The following GALNT18 variants were observed in gnomAD, a reference collection of about 807,000 sequenced individuals.
GALNT18 encodes the protein polypeptide N-acetylgalactosaminyltransferase 18, also known as GalNAc-transferase 18.
Under a neutral mutation model 69.5 loss-of-function variants are expected in GALNT18, and 44 were observed. The observed-to-expected ratio is 0.63, with a 90% CI of 0.50 to 0.81. The LOEUF (loss-of-function observed/expected upper bound fraction) is 0.81. Among genes scored for constraint, GALNT18 ranks in the 40% least tolerant of loss-of-function variants. The pLI is 0.00. For missense variants in GALNT18, 715 were observed against 810.0 expected (o/e 0.88, Z 1.42); for synonymous variants, 364 against 318.2 (o/e 1.14, Z -1.53).
chr11:11,482,221 G>A (rs1856546495), intron 1 of GALNT18, among the ~76,000 whole-genome samples: 1 of 152,240 alleles, frequency 6.6e-6, no homozygotes. Context: ...TGTCTGCTGG[G>A]AAGCCCATGT....
chr11:11,593,768 A>C (rs993548852), intron 1 of GALNT18, among the ~76,000 whole-genome samples: 4 of 152,010 alleles, frequency 2.6e-5, no homozygotes, highest in Non-Finnish European at 5.9e-5. Flanking sequence ...ATTTCTAACA[A>C]AACAATAAAA....
At chr11:11,333,730 G>T (rs1179330901) in intron 7 of GALNT18, among the ~76,000 whole-genome samples, 1 of 152,100 alleles carries the variant, frequency 6.6e-6, no homozygotes, top group African/African-American at 2.4e-5. Flanking sequence ...GCAGCAGCCA[G>T]GGAGCAGAAG....
chr11:11,472,432 T>C (rs980226459), intron 1 of GALNT18, among the ~76,000 whole-genome samples: 2 of 152,202 alleles, frequency 1.3e-5, no homozygotes, highest in Non-Finnish European at 2.9e-5. Context: ...TCAAGATGGG[T>C]ATATTCAGAG....
intron 6 of GALNT18, among the ~76,000 whole-genome samples, chr11:11,367,143 C>T (rs7941176): frequency 0.14 from 21,355 of 151,924 alleles, 1,659 homozygotes; most frequent in Middle Eastern, 0.22. Flanking sequence ...TCACTCACAG[C>T]GAGGGATTCT....
intron 1 of GALNT18, among the ~76,000 whole-genome samples, chr11:11,532,260 T>C (rs928793540): frequency 6.6e-6 from 1 of 152,146 alleles, no homozygotes; most frequent in Non-Finnish European, 1.5e-5. Context: ...CTATCATTCA[T>C]TGAGTACCTG....
At chr11:11,327,412 G>C (rs896674394) in intron 8 of GALNT18, among the ~76,000 whole-genome samples, 6 of 152,264 alleles carry the variant, frequency 3.9e-5, no homozygotes, top group Admixed American at 1.3e-4. Context: ...TAAACAGTGA[G>C]CTGGGTTACA....
At chr11:11,274,139 C>G (rs918771818) in intron 10 of GALNT18, among the ~76,000 whole-genome samples, 9 of 152,166 alleles carry the variant, frequency 5.9e-5, no homozygotes, top group African/African-American at 2.2e-4. Context: ...CCGGGAGGAA[C>G]AGTGCACTCC....
rs1282727502 is a variant in GALNT18, at chr11:11,573,674, A to T, written c.235+47685T>A. On this transcript the variant is annotated intron_variant, in intron 1 of 10. Transcript: ENST00000227756. This position sits in a 1 kb window ranked among gnomAD's most constrained non-coding sequence, Gnocchi z 4.6. ...AGAAAACAGCAGGATCTCCGAGGAGAGAAAGAATTTCTCTCCAGCCAAAAG... is the reference window on the plus strand; with the variant it reads ...AGAAAACAGCAGGATCTCCGAGGAGTGAAAGAATTTCTCTCCAGCCAAAAG... 1 of 152,170 alleles carries T rather than the reference A, an allele frequency of 6.6e-6. No homozygotes were observed. Among genetic ancestry groups the T allele is most frequent in the Non-Finnish European group, 1.5e-5 (1 of 68,046 alleles). The allele number at this position is 152,170 out of a possible 1,614,324, so 9.4% of individuals were successfully genotyped here.
intron 3 of GALNT18, among the ~76,000 whole-genome samples, chr11:11,392,894 A>G (rs1292785990): frequency 1.3e-5 from 2 of 152,248 alleles, no homozygotes; most frequent in African/African-American, 4.8e-5. Context: ...TCATATAGCT[A>G]AGGAACAGTA....
In GALNT18 at chr11:11,591,424, C is replaced by T. The variant is rs1859359433; in HGVS notation, c.235+29935G>A. Among the ~76,000 whole-genome samples, 2 of 152,180 alleles carry T rather than the reference C, an allele frequency of 1.3e-5. No homozygotes were observed. Among genetic ancestry groups the T allele is most frequent in the South Asian group, 2.1e-4 (1 of 4,832 alleles). On this transcript the variant is annotated intron_variant, in intron 1 of 10. Transcript: ENST00000227756. This position sits in a 1 kb window ranked among gnomAD's most constrained non-coding sequence, Gnocchi z 4.8. ...CTCATGGTTGACTTTACTGGATGAGCCTCACTGCGTTCCTTCTCATCCATG... is the reference window on the plus strand; with the variant it reads ...CTCATGGTTGACTTTACTGGATGAGTCTCACTGCGTTCCTTCTCATCCATG...
intron 9 of GALNT18, among the ~76,000 whole-genome samples, chr11:11,317,905 C>A (rs1849784284): frequency 6.6e-6 from 1 of 152,218 alleles, no homozygotes; most frequent in South Asian, 2.1e-4. Context: ...GGCATCCTTC[C>A]TAGTCCCATC....
chr11:11,489,278 A>C (rs1856710187), intron 1 of GALNT18, among the ~76,000 whole-genome samples: 1 of 152,226 alleles, frequency 6.6e-6, no homozygotes, highest in South Asian at 2.1e-4. Flanking sequence ...TGCTGTTAGC[A>C]AACTGATAGC....
Position 11,605,947 on chromosome 11 carries a change from T to TGATTAAATCTTGACACAGTAATGTCA in GALNT18, c.235+15386_235+15411dup. On this transcript the variant is annotated intron_variant, in intron 1 of 10. Coordinates refer to ENST00000227756, the MANE Select transcript of GALNT18 (RefSeq NM_198516.3). The surrounding 1 kb of genome is among the most constrained non-coding windows in gnomAD (Gnocchi z 4.7). Reference sequence around the variant, plus strand: ...ACACCACTGAGCTTCAGCTTCCCTTTGATTAAATCTTGACACAGTAATGTC... The same window carrying TGATTAAATCTTGACACAGTAATGTCA: ...ACACCACTGAGCTTCAGCTTCCCTTTGATTAAATCTTGACACAGTAATGTCAGATTAAATCTTGACACAGTAATGTC... Among the ~76,000 whole-genome samples the TGATTAAATCTTGACACAGTAATGTCA allele has an allele frequency of 1.3e-5, 2 of 152,138 alleles. No homozygotes were observed. Among genetic ancestry groups the TGATTAAATCTTGACACAGTAATGTCA allele is most frequent in the African/African-American group, 4.8e-5 (2 of 41,424 alleles).
rs1411204093 is a variant in GALNT18 at position 11,430,595 on chromosome 11, G to A, written c.595+2026C>T. On this transcript the variant is annotated intron_variant, in intron 3 of 10. Coordinates refer to ENST00000227756, the MANE Select transcript of GALNT18 (RefSeq NM_198516.3). This position sits in a 1 kb window ranked among gnomAD's most constrained non-coding sequence, Gnocchi z 4.9. ...TCCCTGATGACGGACTACTGCACCAGGGCATTGCTCCTGCTGCCTGCCTCT... is the reference window on the plus strand; with the variant it reads ...TCCCTGATGACGGACTACTGCACCAAGGCATTGCTCCTGCTGCCTGCCTCT... Among the ~76,000 whole-genome samples the A allele has an allele frequency of 6.6e-6, 1 of 152,206 alleles. No homozygotes were observed. The highest frequency in any genetic ancestry group is 2.4e-5 in the African/African-American group (1 of 41,454).
intron 1 of GALNT18, among the ~76,000 whole-genome samples, chr11:11,559,256 C>T (rs558814011): frequency 6.6e-6 from 1 of 152,194 alleles, no homozygotes; most frequent in South Asian, 2.1e-4. Context: ...TTCCGACCAC[C>T]CCCTCCACTG....
intron 4 of GALNT18, among the ~76,000 whole-genome samples, chr11:11,378,796 C>T (rs1853837351): frequency 6.6e-6 from 1 of 152,182 alleles, no homozygotes. Flanking sequence ...ATGTACCCTT[C>T]TCCCTGATGA....
chr11:11,384,877 T>A (rs1432218223), intron 3 of GALNT18, among the ~76,000 whole-genome samples: 1 of 152,210 alleles, frequency 6.6e-6, no homozygotes. Flanking sequence ...CTACTGGATG[T>A]TTAAAAGGCG....
At chr11:11,360,833 T>C (rs1222522275) in intron 6 of GALNT18, among the ~76,000 whole-genome samples, 2 of 152,220 alleles carry the variant, frequency 1.3e-5, no homozygotes, top group African/African-American at 4.8e-5. Context: ...TACTCATTGA[T>C]TGGAGAAAAA....
intron 3 of GALNT18, among the ~76,000 whole-genome samples, chr11:11,400,409 G>A (rs1277862936): frequency 2.0e-5 from 3 of 152,202 alleles, no homozygotes; most frequent in Non-Finnish European, 2.9e-5. Context: ...ATATCCTTGA[G>A]GAAGGTTGCA....
Sources: gnomAD v4.1 joint callset for allele counts (sites outside exome capture counted in the v4.1 genomes callset) on GRCh38, gnomAD v4.1.1 for gene constraint, Gnocchi (gnomAD v3.1) non-coding constraint, MANE v1.5 for transcripts, NCBI Gene and HGNC (gene_info 2026-07-23, HGNC 2026-07-21) for gene names.